The following CTNNA2 variants were observed in gnomAD, a reference collection of about 807,000 sequenced individuals.
CTNNA2 encodes the protein catenin alpha 2.
In CTNNA2, 42 loss-of-function variants were observed where a neutral mutation model predicts 101.0. The ratio of observed to expected loss-of-function variants is 0.42; its 90% CI spans 0.32 to 0.54. The LOEUF (loss-of-function observed/expected upper bound fraction) is 0.54. CTNNA2 is among the 20% of genes least tolerant of loss of function. The pLI is 0.14. For missense variants in CTNNA2, 871 were observed against 1,223.1 expected (o/e 0.71, Z 4.29); for synonymous variants, 450 against 456.4 (o/e 0.99, Z 0.18).
At chr2:80,356,327 G>T (rs1052727418) in intron 7 of CTNNA2, among the ~76,000 whole-genome samples, 3 of 152,118 alleles carry the variant, frequency 2.0e-5, no homozygotes, top group Non-Finnish European at 4.4e-5. Flanking sequence ...GCAAGACATG[G>T]TAAAAACATC....
At chr2:79,583,446 G>A (rs1676273063) in intron 1 of CTNNA2, among the ~76,000 whole-genome samples, 1 of 151,716 alleles carries the variant, frequency 6.6e-6, no homozygotes, top group Non-Finnish European at 1.5e-5. Flanking sequence ...CATATATTCA[G>A]TGTGTTTCAG....
chr2:79,982,014 T>G (rs926484065), intron 7 of CTNNA2, among the ~76,000 whole-genome samples: 6 of 149,912 alleles, frequency 4.0e-5, no homozygotes, highest in Non-Finnish European at 8.9e-5. Context: ...AGCCAAGTTC[T>G]TGGTTCATGG....
intron 3 of CTNNA2, among the ~76,000 whole-genome samples, chr2:79,335,133 G>T (rs1172606611): frequency 2.0e-5 from 3 of 152,118 alleles, no homozygotes; most frequent in African/African-American, 7.2e-5. Context: ...ATGTGAATTC[G>T]TTATCAGATC....
intron 1 of CTNNA2, among the ~76,000 whole-genome samples, chr2:79,544,868 A>G (rs962166592): frequency 6.6e-6 from 1 of 152,134 alleles, no homozygotes; most frequent in Admixed American, 6.5e-5. Context: ...GAAGCAAGCA[A>G]CTGTCAATCT....
chr2:80,640,237 T>A, intron 18 of CTNNA2, among the ~76,000 whole-genome samples: 1 of 152,206 alleles, frequency 6.6e-6, no homozygotes, highest in Non-Finnish European at 1.5e-5. Flanking sequence ...ATCAAGTTTT[T>A]TTGGACAACC....
At chr2:80,293,332 A>T (rs1675430992) in intron 7 of CTNNA2, among the ~76,000 whole-genome samples, 1 of 152,234 alleles carries the variant, frequency 6.6e-6, no homozygotes, top group Admixed American at 6.5e-5. Flanking sequence ...TATCTCTAAG[A>T]TAGAGAGCCC....
At chr2:79,767,613 G>A (rs983592533) in intron 3 of CTNNA2, among the ~76,000 whole-genome samples, 1 of 152,004 alleles carries the variant, frequency 6.6e-6, no homozygotes, top group Non-Finnish European at 1.5e-5. Flanking sequence ...GTACTGCCTC[G>A]ATGATCTCAG....
intron 3 of CTNNA2, among the ~76,000 whole-genome samples, chr2:79,752,741 G>C (rs1672125687): frequency 6.6e-6 from 1 of 152,172 alleles, no homozygotes; most frequent in African/African-American, 2.4e-5. Context: ...AATGGAAGGA[G>C]AGAAATGGAG....
At chr2:79,504,167 T>C (rs1035424810) in intron 4 of CTNNA2, among the ~76,000 whole-genome samples, 3 of 152,206 alleles carry the variant, frequency 2.0e-5, no homozygotes, top group Admixed American at 6.5e-5. Context: ...AGAAAGTTAT[T>C]CTAATGTGAG....
intron 7 of CTNNA2, among the ~76,000 whole-genome samples, chr2:79,932,088 A>G (rs572426934): frequency 1.4e-4 from 22 of 152,248 alleles, no homozygotes; most frequent in South Asian, 4.1e-4. Flanking sequence ...TTCTGATCCA[A>G]TGGATTTCTG....
chr2:80,143,313 A>G (rs1190164398), intron 7 of CTNNA2, among the ~76,000 whole-genome samples: 1 of 152,202 alleles, frequency 6.6e-6, no homozygotes, highest in African/African-American at 2.4e-5. Flanking sequence ...GGGACTGTCA[A>G]ATCATAATTG....
intron 2 of CTNNA2, among the ~76,000 whole-genome samples, chr2:79,713,667 G>T (rs1685887340): frequency 6.6e-6 from 1 of 151,982 alleles, no homozygotes; most frequent in Non-Finnish European, 1.5e-5. Context: ...ACTGCACTTG[G>T]GCACCAATAG....
At chr2:79,627,678 T>G (rs1679411656) in intron 1 of CTNNA2, among the ~76,000 whole-genome samples, 1 of 152,258 alleles carries the variant, frequency 6.6e-6, no homozygotes, top group South Asian at 2.1e-4. Flanking sequence ...TAGTGTACTT[T>G]TACAGTTGAT....
chr2:80,162,518 C>G, intron 7 of CTNNA2: 17 of 1,603,104 alleles, frequency 1.1e-5, no homozygotes, highest in Non-Finnish European at 1.5e-5. Context: ...ATGGCTCCAG[C>G]CATCATGATT....
chr2:80,495,825 G>A (rs1044696378), intron 9 of CTNNA2, among the ~76,000 whole-genome samples: 5 of 151,438 alleles, frequency 3.3e-5, no homozygotes, highest in African/African-American at 7.3e-5. Context: ...CTGTAATCCC[G>A]GCTACTTGGG....
intron 6 of CTNNA2, among the ~76,000 whole-genome samples, chr2:79,896,441 T>G (rs1684720002): frequency 6.6e-6 from 1 of 152,262 alleles, no homozygotes; most frequent in Non-Finnish European, 1.5e-5. Flanking sequence ...TATATTCATC[T>G]GCAAATATTA....
At chr2:79,213,116 G>C (rs554212889) in intron 2 of CTNNA2, among the ~76,000 whole-genome samples, 2 of 152,298 alleles carry the variant, frequency 1.3e-5, no homozygotes, top group African/African-American at 4.8e-5. Flanking sequence ...GGAAGTTTCA[G>C]CAGGGGAGTA....
intron 2 of CTNNA2, among the ~76,000 whole-genome samples, chr2:79,238,291 A>G (rs892436556): frequency 1.3e-4 from 20 of 152,194 alleles, no homozygotes; most frequent in African/African-American, 4.8e-4. Context: ...ACATTTATCA[A>G]TTAAGTTCAC....
At chr2:80,450,284 T>A (rs1683393833) in intron 9 of CTNNA2, among the ~76,000 whole-genome samples, 1 of 152,164 alleles carries the variant, frequency 6.6e-6, no homozygotes, top group Admixed American at 6.5e-5. Context: ...GTATGCAAAT[T>A]TCCTTGTTGT....
Sources: gnomAD v4.1 joint callset for allele counts (sites outside exome capture counted in the v4.1 genomes callset) on GRCh38, gnomAD v4.1.1 for gene constraint, MANE v1.5 for transcripts, NCBI Gene and HGNC (gene_info 2026-07-23, HGNC 2026-07-21) for gene names.